PROK2: variants seen among roughly 807,000 people sequenced by gnomAD.
The protein encoded by PROK2 is prokineticin 2.
Under a neutral mutation model 14.2 loss-of-function variants are expected in PROK2, and 8 were observed. That is an observed-to-expected ratio of 0.56 (90% CI 0.33 to 1.02). The LOEUF (loss-of-function observed/expected upper bound fraction) is 1.02, where lower values mean the gene tolerates loss of function less well. PROK2 is among the 50% of genes least tolerant of loss of function. The probability of loss-of-function intolerance (pLI) is 0.03; values close to 1 mark genes in which losing one functional copy is unlikely to be tolerated. For synonymous variants in PROK2, 59 were observed against 60.7 expected, an observed-to-expected ratio of 0.97 and a Z score of 0.13; for missense variants, 154 against 160.4, an observed-to-expected ratio of 0.96 and a Z score of 0.22.
Position 71,772,559 on chromosome 3 carries a change from TA to T in PROK2, c.*164del, listed in dbSNP as rs56679628. On this transcript the variant is annotated 3_prime_UTR_variant, in exon 4 of 4. Coordinates refer to ENST00000295619, the MANE Select transcript of PROK2 (RefSeq NM_001126128.2). ...ATCCAAAAGTAAAATTCTCTTTCGA[TA>T]AAAAAAAAAAAAAATCATTTACAAA... 143,146 of 564,984 alleles carry T rather than the reference TA, an allele frequency of 0.25. 590 individuals carry two copies. The highest frequency in any genetic ancestry group is 0.27 in the Non-Finnish European group (87,227 of 323,724). 35.0% of individuals were successfully genotyped at this position (564,984 alleles called of 1,614,324 possible).
rs554064656 is a variant in PROK2, at chr3:71,783,817, T to C, written c.96+1140A>G. On this transcript the variant is annotated intron_variant, in intron 1 of 3. Transcript: ENST00000295619. Reference sequence around the variant, plus strand: ...AGTAATTTTTTGAAAAAATCTCTTTTCTAATAAATATCACAGAGCTTACAG... The same window carrying C: ...AGTAATTTTTTGAAAAAATCTCTTTCCTAATAAATATCACAGAGCTTACAG... Among the ~76,000 whole-genome samples, 4 of 152,336 alleles carry C rather than the reference T, an allele frequency of 2.6e-5. No individual in the cohort carries two copies. The South Asian group carries it at 8.3e-4, about 32-fold the overall frequency.
In PROK2 at chr3:71,772,638, T is replaced by C. The variant is rs1020537030; in HGVS notation, c.*86A>G. ...TTGAGGAAGCAAGAGCATTTCTTTC[T>C]GGCACATTTTTTGTTTGGCACAATC... is the stretch of plus-strand genomic sequence containing the variant. On this transcript the variant is annotated 3_prime_UTR_variant, in exon 4 of 4. Transcript: ENST00000295619. The C allele has an allele frequency of 2.6e-6, 3 of 1,159,088 alleles. No homozygotes were observed. The highest frequency in any genetic ancestry group is 1.5e-5 in the African/African-American group (1 of 65,754). 71.8% of individuals were successfully genotyped at this position (1,159,088 alleles called of 1,614,324 possible). A position where few individuals can be genotyped will look rare whatever the true frequency, so the allele number is the denominator to read the frequency against.
At chr3:71,775,176 C>T (rs1057487515) in intron 2 of PROK2, among the ~76,000 whole-genome samples, 3 of 152,168 alleles carry the variant, frequency 2.0e-5, no homozygotes, top group Non-Finnish European at 4.4e-5. Flanking sequence ...ATAGCAATAT[C>T]CAAGTAAAAG....
Position 71,785,140 on chromosome 3 carries a change from G to A in PROK2, c.-88C>T. Reference sequence around the variant, plus strand: ...GTGGAGCGCGGAGCGGCGGGCGGACGGGCGCGGCGGCTCCCGCGAGCCTCC... The same window carrying A: ...GTGGAGCGCGGAGCGGCGGGCGGACAGGCGCGGCGGCTCCCGCGAGCCTCC... On this transcript the variant is annotated 5_prime_UTR_variant, in exon 1 of 4. Transcript: ENST00000295619. 1.1e-6 allele frequency: 1 copy of A among 900,104 alleles called. No individual in the cohort carries two copies. Among genetic ancestry groups the A allele is most frequent in the Non-Finnish European group, 1.4e-6 (1 of 696,204 alleles). 55.8% of individuals were successfully genotyped at this position (900,104 alleles called of 1,614,324 possible).
intron 2 of PROK2, among the ~76,000 whole-genome samples, chr3:71,780,807 G>A (rs1427789615): frequency 6.6e-6 from 1 of 152,116 alleles, no homozygotes; most frequent in Non-Finnish European, 1.5e-5. Context: ...GCAACCCTTG[G>A]AGATACAATC....
At chr3:71,776,093 T>G (rs1478633859) in intron 2 of PROK2, among the ~76,000 whole-genome samples, 1 of 152,146 alleles carries the variant, frequency 6.6e-6, no homozygotes, top group Non-Finnish European at 1.5e-5. Context: ...GGTAGTGTGT[T>G]CACAAGGTCA....
intron 2 of PROK2, among the ~76,000 whole-genome samples, chr3:71,779,911 A>C (rs2050148333): frequency 6.6e-6 from 1 of 152,214 alleles, no homozygotes; most frequent in Non-Finnish European, 1.5e-5. Context: ...GCCCAGCCAA[A>C]AACAACGTAA....
At position 71,776,364 on chromosome 3, in the gene PROK2, A is replaced by ATTTTTTTTT. The variant is rs58407323; in HGVS notation, c.223-1866_223-1858dup. ...TTTTCTTTTTTTCTTTTCGCTTTTC[A>ATTTTTTTTT]TTTTTTTTTTTTTTTTTTTTTTTTT... On this transcript the variant is annotated intron_variant, in intron 2 of 3. Coordinates refer to ENST00000295619, the MANE Select transcript of PROK2 (RefSeq NM_001126128.2). Among the ~76,000 whole-genome samples, 47 of 75,434 alleles carry ATTTTTTTTT rather than the reference A, an allele frequency of 6.2e-4. 4 individuals carry two copies. Among genetic ancestry groups the ATTTTTTTTT allele is most frequent in the African/African-American group, 2.3e-3 (45 of 19,656 alleles). The allele number at this position is 75,434 out of a possible 152,430, so 49.5% of individuals were successfully genotyped here.
chr3:71,783,293 C>T (rs2050182987), intron 1 of PROK2, among the ~76,000 whole-genome samples: 1 of 152,090 alleles, frequency 6.6e-6, no homozygotes, highest in Admixed American at 6.6e-5. Context: ...CATTTGAATC[C>T]AGATGGTTCC....
At chr3:71,778,779 T>A (rs1578411180) in intron 2 of PROK2, among the ~76,000 whole-genome samples, 1 of 152,322 alleles carries the variant, frequency 6.6e-6, no homozygotes, top group South Asian at 2.1e-4. Context: ...GTAAATTTCA[T>A]CTGGAACAAG....
rs1464460975 is a variant in PROK2, at chr3:71,772,414, T to C, written c.*310A>G. The C allele has an allele frequency of 3.2e-6, 1 of 312,836 alleles. No homozygotes were observed. Among genetic ancestry groups the C allele is most frequent in the African/African-American group, 2.2e-5 (1 of 45,430 alleles). 19.4% of individuals were successfully genotyped at this position (312,836 alleles called of 1,614,324 possible). On this transcript the variant is annotated 3_prime_UTR_variant, in exon 4 of 4. Transcript: ENST00000295619. ...TTTCTAACAAAATATCAAATTCTTA[T>C]TTTCCTCATTTTTGTGAAAATGGGT...
At chr3:71,778,204 T>A (rs1321424478) in intron 2 of PROK2, among the ~76,000 whole-genome samples, 1 of 151,080 alleles carries the variant, frequency 6.6e-6, no homozygotes, top group Non-Finnish European at 1.5e-5. Context: ...CTCAAAAAAA[T>A]AAATAAATAA....
At chr3:71,774,337 T>C (rs1176321290) in intron 3 of PROK2, 108 bp downstream of exon 3, 2 of 1,523,654 alleles carry the variant, frequency 1.3e-6, no homozygotes, top group African/African-American at 2.8e-5. Flanking sequence ...TAATCTTATG[T>C]TGGGGCTGAA....
At chr3:71,775,343 G>A (rs556600197) in intron 2 of PROK2, among the ~76,000 whole-genome samples, 31 of 152,284 alleles carry the variant, frequency 2.0e-4, no homozygotes, top group Non-Finnish European at 3.1e-4. Context: ...ATACAATGAT[G>A]AGCAACACAG....
rs1387750967 is a variant in PROK2 at position 71,784,921 on chromosome 3, G to A, written c.96+36C>T. 2.9e-5 allele frequency: 36 copies of A among 1,223,642 alleles called. 1 individual carries two copies. The highest frequency in any genetic ancestry group is 2.0e-4 in the African/African-American group (13 of 64,216). 75.8% of individuals were successfully genotyped at this position (1,223,642 alleles called of 1,614,324 possible). A position where few individuals can be genotyped will look rare whatever the true frequency, so the allele number is the denominator to read the frequency against. ...AGCCCCCTGGGCACATCCCAGGCGCGCATCAGGGGCAGACAGGTGCGCCCG... is the reference window on the plus strand; with the variant it reads ...AGCCCCCTGGGCACATCCCAGGCGCACATCAGGGGCAGACAGGTGCGCCCG... On this transcript the variant is annotated intron_variant, in intron 1 of 3. Coordinates refer to ENST00000295619, the MANE Select transcript of PROK2 (RefSeq NM_001126128.2).
chr3:71,773,259 T>C (rs1334660985), intron 3 of PROK2, among the ~76,000 whole-genome samples: 2 of 152,204 alleles, frequency 1.3e-5, no homozygotes, highest in Non-Finnish European at 2.9e-5. Context: ...GGATTACATA[T>C]GTGAGTTACC....
intron 2 of PROK2, among the ~76,000 whole-genome samples, chr3:71,778,575 T>C (rs1465751649): frequency 6.7e-6 from 1 of 148,220 alleles, no homozygotes; most frequent in African/African-American, 2.6e-5. Context: ...TGAAACAAAA[T>C]GAAAAAAAAA....
At chr3:71,774,899 A>AT (rs2050106785) in intron 2 of PROK2, among the ~76,000 whole-genome samples, 7 of 152,088 alleles carry the variant, frequency 4.6e-5, no homozygotes, top group African/African-American at 1.7e-4. Context: ...CTGAGACCAT[A>AT]AGTTTCCTTT....
chr3:71,774,241 G>A (rs1333877450), intron 3 of PROK2, among the ~76,000 whole-genome samples: 1 of 152,130 alleles, frequency 6.6e-6, no homozygotes, highest in Non-Finnish European at 1.5e-5. Context: ...TCTTTTAGAT[G>A]CCTTCCAGAT....
Sources: gnomAD v4.1 joint callset for allele counts (sites outside exome capture counted in the v4.1 genomes callset) on GRCh38, gnomAD v4.1.1 for gene constraint, MANE v1.5 for transcripts, NCBI Gene and HGNC (gene_info 2026-07-23, HGNC 2026-07-21) for gene names.